The following PLXDC2 variants were observed in gnomAD, a reference collection of about 807,000 sequenced individuals.
The protein encoded by PLXDC2 is plexin domain-containing protein 2.
PLXDC2 carries 40 observed loss-of-function variants against 68.9 expected under a neutral mutation model. That is an observed-to-expected ratio of 0.58 (90% CI 0.45 to 0.76). PLXDC2 has a LOEUF of 0.76. PLXDC2 is among the 30% of genes least tolerant of loss of function. The pLI is 0.00. For synonymous variants in PLXDC2, 243 were observed against 234.2 expected (o/e 1.04, Z -0.34); for missense variants, 644 against 661.9 (o/e 0.97, Z 0.30).
intron 4 of PLXDC2, among the ~76,000 whole-genome samples, chr10:20,089,302 C>T (rs550744309): frequency 2.0e-4 from 30 of 151,688 alleles, no homozygotes; most frequent in Non-Finnish European, 3.7e-4. Context: ...AATGTATTTA[C>T]GGAAGAAGTA....
At chr10:20,114,859 C>A (rs1340068472) in intron 4 of PLXDC2, among the ~76,000 whole-genome samples, 1 of 152,116 alleles carries the variant, frequency 6.6e-6, no homozygotes, top group Non-Finnish European at 1.5e-5. Flanking sequence ...CTTTACATGG[C>A]AAGCTGCTGT....
At chr10:20,213,264 G>T (rs922852763) in intron 10 of PLXDC2, among the ~76,000 whole-genome samples, 4 of 151,510 alleles carry the variant, frequency 2.6e-5, no homozygotes, top group Admixed American at 6.6e-5. Context: ...GTTTCGTGGG[G>T]TTTTTTTTCT....
chr10:20,025,875 TTTTAA>T (rs1442786033), intron 2 of PLXDC2, among the ~76,000 whole-genome samples: 1 of 151,856 alleles, frequency 6.6e-6, no homozygotes, highest in East Asian at 1.9e-4. Context: ...TGAGTAATAA[TTTTAA>T]TTTTATATAT....
intron 1 of PLXDC2, among the ~76,000 whole-genome samples, chr10:19,877,827 C>A (rs1309131649): frequency 1.3e-5 from 2 of 152,196 alleles, no homozygotes; most frequent in African/African-American, 4.8e-5. Flanking sequence ...GAAGTATATT[C>A]TTTAAAGCTT....
chr10:19,941,547 C>T (rs935853799), intron 1 of PLXDC2, among the ~76,000 whole-genome samples: 3 of 152,176 alleles, frequency 2.0e-5, no homozygotes, highest in Admixed American at 1.3e-4. Context: ...CTATTTAGCA[C>T]ACCACTGAAC....
intron 1 of PLXDC2, among the ~76,000 whole-genome samples, chr10:19,941,083 C>T (rs1028334776): frequency 2.8e-4 from 43 of 152,176 alleles, no homozygotes; most frequent in Non-Finnish European, 5.7e-4. Flanking sequence ...TTCTTCATCC[C>T]TAGTGGAATT....
At chr10:19,859,814 C>G (rs112494803) in intron 1 of PLXDC2, among the ~76,000 whole-genome samples, 18 of 152,154 alleles carry the variant, frequency 1.2e-4, no homozygotes, top group African/African-American at 4.1e-4. Flanking sequence ...TTACTGCAAA[C>G]TTCCTCTCCT....
intron 12 of PLXDC2, among the ~76,000 whole-genome samples, chr10:20,242,731 G>A (rs570294297): frequency 6.6e-6 from 1 of 152,216 alleles, no homozygotes; most frequent in East Asian, 1.9e-4. Context: ...TTTTTTATGA[G>A]GTGGAGTCTC....
intron 2 of PLXDC2, among the ~76,000 whole-genome samples, chr10:20,028,811 G>A (rs1835450850): frequency 6.6e-6 from 1 of 152,080 alleles, no homozygotes; most frequent in Non-Finnish European, 1.5e-5. Flanking sequence ...ATTATAATTT[G>A]TACCTTCTCT....
chr10:19,832,592 C>G (rs1311785677), intron 1 of PLXDC2, among the ~76,000 whole-genome samples: 1 of 152,198 alleles, frequency 6.6e-6, no homozygotes, highest in African/African-American at 2.4e-5. Flanking sequence ...ACCTTTTCCT[C>G]CACCAGGGTA....
intron 1 of PLXDC2, among the ~76,000 whole-genome samples, chr10:19,828,755 A>G (rs1030623932): frequency 3.9e-5 from 6 of 152,146 alleles, no homozygotes; most frequent in South Asian, 4.1e-4. Context: ...GGCATGGCCA[A>G]TAAGAAGCTG....
intron 1 of PLXDC2, among the ~76,000 whole-genome samples, chr10:19,846,747 T>C (rs1309768227): frequency 6.6e-6 from 1 of 152,182 alleles, no homozygotes; most frequent in Non-Finnish European, 1.5e-5. Flanking sequence ...AGTCACATAG[T>C]TGATCTGGCA....
intron 12 of PLXDC2, among the ~76,000 whole-genome samples, chr10:20,231,970 A>AG (rs1835370991): frequency 6.6e-6 from 1 of 151,966 alleles, no homozygotes; most frequent in Non-Finnish European, 1.5e-5. Flanking sequence ...ACCTCACTCC[A>AG]GCTCCAACCT....
intron 13 of PLXDC2, among the ~76,000 whole-genome samples, chr10:20,275,480 T>C (rs954021610): frequency 6.6e-6 from 1 of 152,092 alleles, no homozygotes; most frequent in Non-Finnish European, 1.5e-5. Flanking sequence ...ATTCATAAAC[T>C]CCATGAGGGC....
chr10:19,880,371 C>G (rs1176988540), intron 1 of PLXDC2, among the ~76,000 whole-genome samples: 26 of 152,038 alleles, frequency 1.7e-4, no homozygotes, highest in Non-Finnish European at 1.5e-5. Flanking sequence ...ACATACATGC[C>G]TATGATGAAG....
rs869124443 is a variant in PLXDC2, at chr10:19,994,312, A to ATTTTTTTTTTTTTTT, written c.113-7449_113-7435dup. Among the ~76,000 whole-genome samples, 128 of 34,314 alleles carry ATTTTTTTTTTTTTTT rather than the reference A, an allele frequency of 3.7e-3. 3 individuals carry two copies. The highest frequency in any genetic ancestry group is 4.9e-3 in the Non-Finnish European group (100 of 20,208). The allele number at this position is 34,314 out of a possible 152,430, so 22.5% of individuals were successfully genotyped here. On this transcript the variant is annotated intron_variant, in intron 1 of 13. Coordinates refer to ENST00000377252, the MANE Select transcript of PLXDC2 (RefSeq NM_032812.9). Reference sequence around the variant, plus strand: ...TCTGACTACTTGGAAACATGATTAAATTTTTTTTTTTTTTTTTTTTTTTTT... The same window carrying ATTTTTTTTTTTTTTT: ...TCTGACTACTTGGAAACATGATTAAATTTTTTTTTTTTTTTTTTTTTTTTTTTTTTTTTTTTTTTT...
At chr10:20,054,097 G>C (rs1835952054) in intron 3 of PLXDC2, among the ~76,000 whole-genome samples, 2 of 152,052 alleles carry the variant, frequency 1.3e-5, no homozygotes, top group African/African-American at 4.8e-5. Flanking sequence ...TCTGAATGTA[G>C]CATGAGCAAG....
At chr10:20,232,279 T>C (rs1835375219) in intron 12 of PLXDC2, among the ~76,000 whole-genome samples, 1 of 152,154 alleles carries the variant, frequency 6.6e-6, no homozygotes, top group East Asian at 1.9e-4. Context: ...AGTGTGATGT[T>C]GTGCAATCAC....
intron 1 of PLXDC2, among the ~76,000 whole-genome samples, chr10:19,901,040 T>C (rs890651507): frequency 5.3e-5 from 8 of 151,578 alleles, no homozygotes; most frequent in African/African-American, 1.5e-4. Context: ...TATATACACA[T>C]ATATATATAA....
Sources: allele counts gnomAD v4.1 joint callset (sites outside exome capture counted in the v4.1 genomes callset), GRCh38; gene constraint gnomAD v4.1.1; transcripts MANE v1.5; gene names NCBI Gene and HGNC (gene_info 2026-07-23, HGNC 2026-07-21).